Variants in PLAUR observed in about 807,000 individuals in gnomAD.
The protein encoded by PLAUR is plasminogen activator, urokinase receptor.
A neutral mutation model predicts 33.4 loss-of-function variants in PLAUR; 22 were observed. The observed-to-expected ratio is 0.66, with a 90% CI of 0.47 to 0.94. The LOEUF (loss-of-function observed/expected upper bound fraction) is 0.94, where lower values mean the gene tolerates loss of function less well. Ranked by LOEUF, PLAUR falls within the 40% of genes least tolerant of loss-of-function variation. The pLI is 0.00. For synonymous variants in PLAUR, 148 were observed against 167.3 expected, an observed-to-expected ratio of 0.88 and a Z score of 0.89; for missense variants, 408 against 434.7, an observed-to-expected ratio of 0.94 and a Z score of 0.55.
chr19:43,666,849 G>A (rs1967277408), intron 2 of PLAUR, among the ~76,000 whole-genome samples: 1 of 151,312 alleles, frequency 6.6e-6, no homozygotes, highest in South Asian at 2.1e-4. Flanking sequence ...GATTACAGGT[G>A]TGAGCCACCA....
At chr19:43,659,251 T>C (rs1370890385) in intron 3 of PLAUR, among the ~76,000 whole-genome samples, 1 of 133,720 alleles carries the variant, frequency 7.5e-6, no homozygotes, top group Non-Finnish European at 1.5e-5. Flanking sequence ...CTCCCTGAGC[T>C]CAGGTGATTC....
At chr19:43,657,320 G>T (rs988793963) in intron 3 of PLAUR, among the ~76,000 whole-genome samples, 1 of 151,924 alleles carries the variant, frequency 6.6e-6, no homozygotes, top group Non-Finnish European at 1.5e-5. Context: ...GCTCCCTACT[G>T]CCCTGAAAAT....
intron 3 of PLAUR, among the ~76,000 whole-genome samples, chr19:43,659,433 G>A (rs772941980): frequency 9.9e-5 from 15 of 152,050 alleles, no homozygotes; most frequent in Non-Finnish European, 5.9e-5. Flanking sequence ...GATTACAGAC[G>A]TGAGTACCGC....
intron 6 of PLAUR, among the ~76,000 whole-genome samples, chr19:43,650,223 C>T (rs1375490055): frequency 1.3e-5 from 2 of 151,546 alleles, no homozygotes; most frequent in Non-Finnish European, 2.9e-5. Context: ...ATTGGCCAGG[C>T]TGGTCTCGAA....
At chr19:43,662,637 C>T (rs1348727785) in intron 3 of PLAUR, among the ~76,000 whole-genome samples, 1 of 152,144 alleles carries the variant, frequency 6.6e-6, no homozygotes, top group African/African-American at 2.4e-5. Context: ...TCTCGCCCCA[C>T]TGTACTGTTT....
intron 4 of PLAUR, 67 bp from the exon 5 acceptor site, chr19:43,655,640 C>A: frequency 6.9e-7 from 1 of 1,454,618 alleles, no homozygotes; most frequent in South Asian, 1.2e-5. Flanking sequence ...GGGATTTGCC[C>A]GAAATAGCAG....
Position 43,665,381 on chromosome 19 carries a change from C to G in PLAUR, c.245G>C (p.Gly82Ala), listed in dbSNP as rs1168628399. Residue 82 changes from glycine to alanine, a missense_variant, in exon 3 of 7, where the codon GGC becomes GCC. Transcript: ENST00000340093. ...KTNRTLSYRT[G>A]LKITSLTEVV... ...CTCGGTAAGGCTGGTGATCTTCAAGCCAGTCCGATAGCTCAGGGTCCTGTT... is the reference window on the plus strand; with the variant it reads ...CTCGGTAAGGCTGGTGATCTTCAAGGCAGTCCGATAGCTCAGGGTCCTGTT... 10 of 1,613,704 alleles carry G rather than the reference C, an allele frequency of 6.2e-6. No individual in the cohort carries two copies. The Admixed American group carries it at 1.2e-4, about 19-fold the overall frequency.
chr19:43,651,313 G>A (rs1249736318), intron 6 of PLAUR, among the ~76,000 whole-genome samples: 1 of 152,120 alleles, frequency 6.6e-6, no homozygotes, highest in Non-Finnish European at 1.5e-5. Flanking sequence ...CCGACCTCAG[G>A]TGATCTACCC....
In PLAUR at chr19:43,658,761, C is replaced by T. The variant is rs568688648; in HGVS notation, c.311-2121G>A. Among the ~76,000 whole-genome samples, 20 of 152,250 alleles carry T rather than the reference C, an allele frequency of 1.3e-4. No individual in the cohort carries two copies. The East Asian group carries it at 1.3e-3, about 10-fold the overall frequency. On this transcript the variant is annotated intron_variant, in intron 3 of 6. Coordinates refer to ENST00000340093, the MANE Select transcript of PLAUR (RefSeq NM_002659.4). The stretch of plus-strand genomic sequence containing the variant: ...CAGCCAAGGTTCTCAACTGGCAGGC[C>T]GCTAGCTGTAATTAGGCGAATCATT...
At position 43,651,998 on chromosome 19, in the gene PLAUR, T is replaced by C. The variant is rs1222095812; in HGVS notation, c.754+227A>G. The C allele has an allele frequency of 2.3e-6, 3 of 1,296,078 alleles. No individual in the cohort carries two copies. In the African/African-American group the frequency reaches 4.5e-5, roughly 19 times the overall value. The allele number at this position is 1,296,078 out of a possible 1,614,324, so 80.3% of individuals were successfully genotyped here. A position where few individuals can be genotyped will look rare whatever the true frequency, so the allele number is the denominator to read the frequency against. On this transcript the variant is annotated intron_variant, in intron 6 of 6. Transcript: ENST00000340093. ...CTCCCAAAGTGCTGAGAGTACAAGC[T>C]TCAGCCACCGCACCCAGCCGGAATT...
At chr19:43,646,452 G>A (rs1973826537), downstream of PLAUR, 4 of 718,026 alleles carry the variant, frequency 5.6e-6, no homozygotes, top group East Asian at 1.1e-4. Context: ...ATCTCCACAT[G>A]GCATTTATAC....
chr19:43,655,449 G>A lies in PLAUR; in HGVS notation c.597C>T (p.Asn199=), dbSNP rs762733968. The A allele has an allele frequency of 1.9e-5, 31 of 1,613,964 alleles. No homozygotes were observed. Among genetic ancestry groups the A allele is most frequent in the African/African-American group, 2.7e-5 (2 of 74,894 alleles). The change falls in exon 5 of 7, where the codon AAC becomes AAT. Residue 199 remains asparagine, a synonymous_variant. Transcript: ENST00000340093. The part of the protein sequence containing the change: ...FLKCCNTTKC[N]EGPILELENL... ...TCTCCCGTTCCTTACTTGGGCCCTC[G>A]TTGCATTTGGTGGTGTTGCAGCATT...
At chr19:43,646,238 C>T, downstream of PLAUR, 1 of 488,064 alleles carries the variant, frequency 2.0e-6, no homozygotes, top group Non-Finnish European at 3.7e-6. Context: ...TGTGCCTGTC[C>T]TTCCATGATG....
intron 3 of PLAUR, among the ~76,000 whole-genome samples, chr19:43,657,992 T>C (rs4251866): frequency 0.067 from 10,216 of 151,748 alleles, 420 homozygotes; most frequent in Middle Eastern, 0.19. Flanking sequence ...TGCTTGAGTC[T>C]GGGAGTTTGA....
At chr19:43,655,613 G>A (rs745641273) in intron 4 of PLAUR, 40 bp from the exon 5 acceptor site, 1 of 1,588,916 alleles carries the variant, frequency 6.3e-7, no homozygotes, top group Non-Finnish European at 8.6e-7. Context: ...GTCAGATTGT[G>A]AATGAGGGAC....
downstream of PLAUR, among the ~76,000 whole-genome samples, chr19:43,648,251 C>T (rs886513866): frequency 3.3e-5 from 5 of 152,070 alleles, no homozygotes; most frequent in Admixed American, 3.3e-4. Context: ...TCTCGGCTCA[C>T]TGCAAGCTCC....
chr19:43,668,840 C>A (rs1967392724), intron 1 of PLAUR, among the ~76,000 whole-genome samples: 1 of 152,072 alleles, frequency 6.6e-6, no homozygotes, highest in East Asian at 1.9e-4. Flanking sequence ...GAGGTTCTAG[C>A]CCCGCTCCTA....
In PLAUR at chr19:43,649,875, C is replaced by CA. The variant is rs750791291; in HGVS notation, c.755-733dup. Among the ~76,000 whole-genome samples the CA allele has an allele frequency of 7.9e-5, 12 of 152,176 alleles. No individual in the cohort carries two copies. The East Asian group carries it at 1.5e-3, about 20-fold the overall frequency. ...CTCATAAGTGTACAATGGGCTTTTC[C>CA]AAAAACTCCAGGACATGTGATATTG... On this transcript the variant is annotated intron_variant, in intron 6 of 6. Transcript: ENST00000340093.
At chr19:43,668,334 C>T (rs1247426341) in intron 1 of PLAUR, 13 of 984,594 alleles carry the variant, frequency 1.3e-5, no homozygotes, top group Non-Finnish European at 1.6e-5. Flanking sequence ...GGTTTTGGCC[C>T]CGCTCCAGAC....
Sources: allele counts gnomAD v4.1 joint callset (sites outside exome capture counted in the v4.1 genomes callset), GRCh38; gene constraint gnomAD v4.1.1; transcripts MANE v1.5; gene names NCBI Gene and HGNC (gene_info 2026-07-23, HGNC 2026-07-21).